The following GLIS3 variants were observed in gnomAD, a reference collection of about 807,000 sequenced individuals.
GLIS3 encodes the protein zinc finger protein GLIS3.
In GLIS3, 53 loss-of-function variants were observed where a neutral mutation model predicts 78.6. The ratio of observed to expected loss-of-function variants is 0.67; its 90% CI spans 0.54 to 0.85. The LOEUF is 0.85. Ranked by LOEUF, GLIS3 falls within the 40% of genes least tolerant of loss-of-function variation. The probability of loss-of-function intolerance (pLI) is 0.00; values close to 1 mark genes in which losing one functional copy is unlikely to be tolerated. For missense variants in GLIS3, 1,703 were observed against 1,231.1 expected (o/e 1.38, Z -5.74); for synonymous variants, 684 against 509.9 (o/e 1.34, Z -4.60).
the GLIS3 span, among the ~76,000 whole-genome samples, chr9:4,484,641 T>C: frequency 6.6e-6 from 1 of 152,096 alleles, no homozygotes; most frequent in Non-Finnish European, 1.5e-5. Flanking sequence ...AGGCTCGAAC[T>C]CCCGACCTCA....
At chr9:4,397,859 T>C in the GLIS3 span, among the ~76,000 whole-genome samples, 2 of 151,846 alleles carry the variant, frequency 1.3e-5, no homozygotes, top group African/African-American at 4.9e-5. Context: ...TTGGATGGGA[T>C]GAAGAAAAAT....
At chr9:4,321,145 G>A (rs1383227357) in intron 2 of GLIS3, among the ~76,000 whole-genome samples, 7 of 151,418 alleles carry the variant, frequency 4.6e-5, no homozygotes, top group Non-Finnish European at 1.0e-4. Flanking sequence ...TCAAGGCCGG[G>A]CGCGGTGGCT....
chr9:4,298,074 A>C (rs905313588), intron 1 of GLIS3, among the ~76,000 whole-genome samples: 1 of 152,154 alleles, frequency 6.6e-6, no homozygotes, highest in African/African-American at 2.4e-5. Flanking sequence ...GCAGCGCAAC[A>C]AAACAAACTA....
chr9:3,946,127 A>C (rs1271636878), intron 4 of GLIS3, among the ~76,000 whole-genome samples: 1 of 152,234 alleles, frequency 6.6e-6, no homozygotes, highest in Non-Finnish European at 1.5e-5. Flanking sequence ...AAGGCACAAC[A>C]GATCAGTGCC....
the GLIS3 span, among the ~76,000 whole-genome samples, chr9:4,437,265 G>T: frequency 6.6e-6 from 1 of 152,116 alleles, no homozygotes; most frequent in East Asian, 1.9e-4. Context: ...GAGGGTCTTG[G>T]ATTCATTATA....
chr9:4,412,759 C>A, the GLIS3 span, among the ~76,000 whole-genome samples: 9 of 152,300 alleles, frequency 5.9e-5, no homozygotes, highest in African/African-American at 2.2e-4. Flanking sequence ...AGCCATAAGA[C>A]TGAACCTGAC....
intron 4 of GLIS3, among the ~76,000 whole-genome samples, chr9:4,016,889 G>C (rs1007587144): frequency 1.3e-5 from 2 of 152,086 alleles, no homozygotes; most frequent in African/African-American, 4.8e-5. Flanking sequence ...ACACTTAAAC[G>C]GCACAAGGAA....
At chr9:4,251,329 CT>C (rs1412226446) in intron 2 of GLIS3, among the ~76,000 whole-genome samples, 1 of 151,894 alleles carries the variant, frequency 6.6e-6, no homozygotes, top group African/African-American at 2.4e-5. Flanking sequence ...GTTTACTCTA[CT>C]TGTTGTGTTA....
At position 3,827,547 on chromosome 9, in the gene GLIS3, A is replaced by T. The variant is rs1011883075; in HGVS notation, c.*725T>A. On this transcript the variant is annotated 3_prime_UTR_variant, in exon 11 of 11. Coordinates refer to ENST00000381971, the MANE Select transcript of GLIS3 (RefSeq NM_001042413.2). ...CCAGGCAGAACCACAGCTGTGCAAA[A>T]TGTCTATAGCTGGGGTGATTACAAT... 4 of 152,662 alleles carry T rather than the reference A, an allele frequency of 2.6e-5. No homozygotes were observed. The highest frequency in any genetic ancestry group is 9.7e-5 in the African/African-American group (4 of 41,450). 9.5% of individuals were successfully genotyped at this position (152,662 alleles called of 1,614,324 possible). A position where few individuals can be genotyped will look rare whatever the true frequency, so the allele number is the denominator to read the frequency against.
chr9:3,998,286 G>GTATATTGTTAAT (rs1030751109), intron 4 of GLIS3, among the ~76,000 whole-genome samples: 8 of 152,178 alleles, frequency 5.3e-5, no homozygotes, highest in Non-Finnish European at 1.0e-4. Context: ...TGCTGAATGT[G>GTATATTGTTAAT]TATATTGTTA....
At chr9:4,396,686 C>T in the GLIS3 span, among the ~76,000 whole-genome samples, 2 of 152,294 alleles carry the variant, frequency 1.3e-5, no homozygotes, top group South Asian at 4.1e-4. Flanking sequence ...AGGTAAGTAG[C>T]CCCTCCTTAG....
intron 2 of GLIS3, among the ~76,000 whole-genome samples, chr9:4,330,266 G>A (rs1817665479): frequency 6.6e-6 from 1 of 152,178 alleles, no homozygotes; most frequent in Non-Finnish European, 1.5e-5. Context: ...CCCATACTTT[G>A]GTGCACATTC....
chr9:4,428,583 T>C, the GLIS3 span, among the ~76,000 whole-genome samples: 1 of 151,060 alleles, frequency 6.6e-6, no homozygotes, highest in African/African-American at 2.4e-5. Flanking sequence ...TTCAGAGGGC[T>C]AAAAAAACAT....
intron 2 of GLIS3, among the ~76,000 whole-genome samples, chr9:4,162,365 G>T (rs1835550674): frequency 6.6e-6 from 1 of 152,066 alleles, no homozygotes; most frequent in Admixed American, 6.5e-5. Context: ...TAATTTGGGG[G>T]GATATCTTTC....
intron 7 of GLIS3, among the ~76,000 whole-genome samples, chr9:3,897,897 C>A (rs1437621682): frequency 1.3e-5 from 2 of 152,134 alleles, no homozygotes; most frequent in African/African-American, 4.8e-5. Flanking sequence ...TATCTGCAAC[C>A]CACAGAAAAT....
intron 7 of GLIS3, among the ~76,000 whole-genome samples, chr9:3,888,486 G>A (rs1822222567): frequency 1.3e-5 from 2 of 152,150 alleles, no homozygotes; most frequent in Admixed American, 1.3e-4. Context: ...AAAGTCAAGG[G>A]ATGACCTATC....
the GLIS3 span, among the ~76,000 whole-genome samples, chr9:4,416,247 G>GTTTTT: frequency 3.7e-5 from 2 of 54,346 alleles, no homozygotes; most frequent in African/African-American, 2.2e-4. Context: ...GTGAGACACT[G>GTTTTT]TTTTTAAAAA....
At chr9:4,348,782 A>G (rs1185352578), upstream of GLIS3, among the ~76,000 whole-genome samples, 1 of 148,810 alleles carries the variant, frequency 6.7e-6, no homozygotes, top group African/African-American at 2.6e-5. Context: ...TGAAAAAAAA[A>G]CAGATTAAAA....
intron 8 of GLIS3, among the ~76,000 whole-genome samples, chr9:3,870,520 C>G (rs1322826420): frequency 1.3e-5 from 2 of 152,172 alleles, no homozygotes; most frequent in African/African-American, 4.8e-5. Flanking sequence ...TTCCATGTGG[C>G]TGAGGAAGCC....
Sources: allele counts gnomAD v4.1 joint callset (sites outside exome capture counted in the v4.1 genomes callset), GRCh38; gene constraint gnomAD v4.1.1; transcripts MANE v1.5; gene names NCBI Gene and HGNC (gene_info 2026-07-23, HGNC 2026-07-21).